The following MED24 variants were observed in gnomAD, a reference collection of about 807,000 sequenced individuals.
MED24 encodes mediator of RNA polymerase II transcription subunit 24.
MED24 carries 74 observed loss-of-function variants against 118.8 expected under a neutral mutation model. That is an observed-to-expected ratio of 0.62 (90% confidence interval 0.52 to 0.76). The LOEUF is 0.76. Among genes scored for constraint, MED24 ranks in the 30% least tolerant of loss-of-function variants. The pLI is 0.00. For synonymous variants in MED24, 521 were observed against 523.9 expected (o/e 0.99, Z 0.08); for missense variants, 1,041 against 1,278.9 (o/e 0.81, Z 2.84).
At chr17:40,051,242 C>T (rs1985811819) in intron 3 of MED24, among the ~76,000 whole-genome samples, 1 of 151,616 alleles carries the variant, frequency 6.6e-6, no homozygotes, top group South Asian at 2.1e-4. Context: ...ACCCGAAAGG[C>T]AGAGGTTGCA....
chr17:40,049,491 G>A (rs1423886033), intron 3 of MED24, among the ~76,000 whole-genome samples: 1 of 151,950 alleles, frequency 6.6e-6, no homozygotes, highest in Non-Finnish European at 1.5e-5. Flanking sequence ...ACTTAACAAT[G>A]GTTCACCTTA....
chr17:40,036,951 A>C (rs1460989092), intron 3 of MED24, among the ~76,000 whole-genome samples: 1 of 152,140 alleles, frequency 6.6e-6, no homozygotes, highest in Non-Finnish European at 1.5e-5. Context: ...TGGGAGGCTG[A>C]GGCAGGATTA....
chr17:40,037,222 AG>A (rs959127545), intron 3 of MED24, among the ~76,000 whole-genome samples: 2 of 151,544 alleles, frequency 1.3e-5, no homozygotes, highest in African/African-American at 2.4e-5. Context: ...GAGGGAAGGA[AG>A]GAAGGAAGGA....
intron 15 of MED24, 55 bp downstream of exon 15, chr17:40,027,854 C>T (rs1267393343): frequency 2.7e-5 from 43 of 1,584,780 alleles, no homozygotes; most frequent in Admixed American, 5.0e-5. Context: ...CACACTCTCC[C>T]GCCACACCCC....
intron 12 of MED24, 124 bp from the exon 13 acceptor site, chr17:40,029,983 G>A (rs1403025725): frequency 3.9e-6 from 3 of 770,124 alleles, no homozygotes; most frequent in Non-Finnish European, 6.5e-6. Context: ...GAACCTCCGA[G>A]GTTGGGGTGA....
At chr17:40,039,625 T>C (rs1255408784) in intron 3 of MED24, among the ~76,000 whole-genome samples, 2 of 152,138 alleles carry the variant, frequency 1.3e-5, no homozygotes, top group East Asian at 1.9e-4. Context: ...TCAGTGTTTA[T>C]ACATCTCAAG....
At chr17:40,031,909 C>T in intron 10 of MED24, 134 bp downstream of exon 10, 1 of 1,033,146 alleles carries the variant, frequency 9.7e-7, no homozygotes, top group Non-Finnish European at 1.5e-6. Flanking sequence ...CATTGTGAAG[C>T]ACGTGCACGC....
At chr17:40,047,283 C>T (rs943614668) in intron 3 of MED24, among the ~76,000 whole-genome samples, 1 of 152,086 alleles carries the variant, frequency 6.6e-6, no homozygotes, top group Non-Finnish European at 1.5e-5. Context: ...GACTAGAAAG[C>T]GGTAAAAGGG....
intron 12 of MED24, among the ~76,000 whole-genome samples, chr17:40,030,594 A>G (rs2099103805): frequency 6.6e-6 from 1 of 152,010 alleles, no homozygotes; most frequent in African/African-American, 2.4e-5. Context: ...CAGCCGGCCT[A>G]TCATTAGTCT....
At position 40,020,349 on chromosome 17, in the gene MED24, G is replaced by A. The variant is rs1036065758; in HGVS notation, c.2628C>T (p.Asp876=). ...CTGAGAGGGAGCTGCTCATGGATCGGTCTGCTGTGGGACGGAGCAGATGGA... is the reference window on the plus strand; with the variant it reads ...CTGAGAGGGAGCTGCTCATGGATCGATCTGCTGTGGGACGGAGCAGATGGA... The part of the protein sequence containing the change: ...DDANILSSPT[D]RSMSSSLSAS... The change falls in exon 24 of 26, where the codon GAC becomes GAT. Residue 876 remains aspartate, a synonymous_variant. Transcript: ENST00000394128. 5 of 1,596,860 alleles carry A rather than the reference G, an allele frequency of 3.1e-6. No individual in the cohort carries two copies. Among genetic ancestry groups the A allele is most frequent in the Middle Eastern group, 1.6e-4 (1 of 6,066 alleles).
intron 16 of MED24, 29 bp from the exon 17 acceptor site, chr17:40,027,063 G>A (rs746542900): frequency 6.2e-7 from 1 of 1,611,108 alleles, no homozygotes; most frequent in Non-Finnish European, 8.5e-7. Flanking sequence ...GGCACCAGCC[G>A]AGTGGGGAGG....
chr17:40,053,705 TTA>T, intron 1 of MED24, 70 bp from the exon 2 acceptor site: 1 of 1,580,234 alleles, frequency 6.3e-7, no homozygotes, highest in Non-Finnish European at 8.6e-7. Context: ...GAAGGCAGAA[TTA>T]AATAGAAAGG....
At chr17:40,048,585 G>A (rs967043877) in intron 3 of MED24, among the ~76,000 whole-genome samples, 1 of 152,066 alleles carries the variant, frequency 6.6e-6, no homozygotes, top group Non-Finnish European at 1.5e-5. Context: ...ACAGAGTCTT[G>A]CTCTGTCACC....
chr17:40,031,542 A>T lies in MED24; in HGVS notation c.1063T>A (p.Cys355Ser), dbSNP rs1250439614. 1.2e-6 allele frequency: 2 copies of T among 1,613,730 alleles called. No individual in the cohort carries two copies. The highest frequency in any genetic ancestry group is 4.5e-5 in the East Asian group (2 of 44,900). The change falls in exon 11 of 26, where the codon TGC becomes AGC. Residue 355 changes from cysteine (C) to serine (S), a missense_variant. By Grantham distance (112) the Cys-to-Ser change is moderately radical. Around this residue, in one of 3 missense-constraint regions of MED24, gnomAD observed 434 missense variants for 514.9 expected, o/e 0.84. Coordinates refer to ENST00000394128, the MANE Select transcript of MED24 (RefSeq NM_014815.4). ...GGTGACCAGGGGAGCTCATACTTGC[A>T]GCGCTGGTCAGCTTTGTCCAACAAG... ...TPLLDKADQR[C>S]NCDCTNFLLQ... is the part of the protein sequence containing the mutation.
Position 40,035,191 on chromosome 17 carries a change from A to G in MED24, c.485T>C (p.Leu162Pro). ...GCTGAGGGTTTTCTCCAGGCGCTGA[A>G]GGCACATGGCAAGCTGCTTCTCCCC... The part of the protein sequence containing the change: ...AAGEKQLAMC[L>P]QRLEKTLSST... The change falls in exon 6 of 26, where the codon CTT becomes CCT. Residue 162 changes from leucine (L) to proline (P), a missense_variant. Around this residue, in one of 3 missense-constraint regions of MED24, gnomAD observed 434 missense variants for 514.9 expected, o/e 0.84. Transcript: ENST00000394128. The G allele has an allele frequency of 6.2e-7, 1 of 1,614,154 alleles. No individual in the cohort carries two copies. The highest frequency in any genetic ancestry group is 8.5e-7 in the Non-Finnish European group (1 of 1,180,030).
rs1491492677 is a variant in MED24, at chr17:40,030,667, T to TTA, written c.1154+491_1154+492insTA. Among the ~76,000 whole-genome samples the TTA allele has an allele frequency of 6.0e-4, 65 of 108,512 alleles. 1 individual carries two copies. The highest frequency in any genetic ancestry group is 4.2e-3 in the South Asian group (15 of 3,550). 71.2% of individuals were successfully genotyped at this position (108,512 alleles called of 152,430 possible). ...TTCAGGATTTTTATTTATTTATTTA[T>TTA]TTTTTTTTTGAGACAAGGTCTCACT... On this transcript the variant is annotated intron_variant, in intron 12 of 25. Transcript: ENST00000394128.
intron 23 of MED24, chr17:40,021,472 G>A (rs536009617): frequency 3.9e-5 from 6 of 153,406 alleles, no homozygotes; most frequent in African/African-American, 1.4e-4. Flanking sequence ...AGGGGACAGT[G>A]AAAAGGATGA....
intron 9 of MED24, 128 bp from the exon 10 acceptor site, chr17:40,032,218 A>T (rs1442698420): frequency 2.1e-5 from 23 of 1,096,238 alleles, no homozygotes; most frequent in Middle Eastern, 4.6e-4. Flanking sequence ...TGGGAGTGAG[A>T]GCACACTTAG....
At position 40,019,917 on chromosome 17, in the gene MED24, G is replaced by A. The variant is rs1452748309; in HGVS notation, c.2721C>T (p.Leu907=). The A allele has an allele frequency of 5.7e-6, 9 of 1,568,286 alleles. No homozygotes were observed. The highest frequency in any genetic ancestry group is 6.9e-6 in the Non-Finnish European group (8 of 1,155,730). ...LNRVLANLFL[L]ISSILGSRTA... is the part of the protein sequence containing the mutation. ...TGCGAGACCCCAGGATGGAGGAGATGAGCAGGAACAGGTTGGCTGTAGAGA... is the reference window on the plus strand; with the variant it reads ...TGCGAGACCCCAGGATGGAGGAGATAAGCAGGAACAGGTTGGCTGTAGAGA... The change falls in exon 25 of 26, where the codon CTC becomes CTT. Residue 907 remains leucine, a synonymous_variant. Transcript: ENST00000394128.
Sources: gnomAD v4.1 joint callset for allele counts (sites outside exome capture counted in the v4.1 genomes callset) on GRCh38, gnomAD v4.1.1 for gene constraint, gnomAD v4.1.1 regional missense constraint, MANE v1.5 for transcripts, NCBI Gene and HGNC (gene_info 2026-07-23, HGNC 2026-07-21) for gene names.